The following DCC variants were observed in gnomAD, a reference collection of about 807,000 sequenced individuals.
DCC encodes the protein netrin receptor DCC.
A neutral mutation model predicts 172.5 loss-of-function variants in DCC; 58 were observed. The ratio of observed to expected loss-of-function variants is 0.34; its 90% confidence interval spans 0.27 to 0.42. The LOEUF is 0.42. Among genes scored for constraint, DCC ranks in the 10% least tolerant of loss-of-function variants. The pLI, the probability that DCC is intolerant of heterozygous loss-of-function variation, is 1.00. For synonymous variants in DCC, 709 were observed against 644.5 expected (o/e 1.10, Z -1.52); for missense variants, 1,740 against 1,791.0 (o/e 0.97, Z 0.51).
rs565624268 is a variant in DCC, at chr18:52,793,967, G to C, written c.412+41593G>C. Among the ~76,000 whole-genome samples, 24 of 148,192 alleles carry C rather than the reference G, an allele frequency of 1.6e-4. No individual in the cohort carries two copies. In the South Asian group the frequency reaches 2.1e-3, roughly 13 times the overall value. ...CTGTAAATAGGAGGATTAATTTCTC[G>C]GTTTTCTATTAATCTATATTTCTGG... is the stretch of plus-strand genomic sequence containing the variant. On this transcript the variant is annotated intron_variant, in intron 2 of 28. Transcript: ENST00000442544.
At chr18:53,108,144 C>T (rs772228368) in intron 7 of DCC, among the ~76,000 whole-genome samples, 2 of 148,606 alleles carry the variant, frequency 1.3e-5, no homozygotes, top group African/African-American at 2.5e-5. Flanking sequence ...AAACATAAGA[C>T]TTATATGGAA....
At chr18:53,028,952 G>C (rs1396036580) in intron 5 of DCC, among the ~76,000 whole-genome samples, 2 of 152,026 alleles carry the variant, frequency 1.3e-5, no homozygotes, top group Non-Finnish European at 2.9e-5. Context: ...TTTTCCATTT[G>C]AGCTATAGTT....
intron 2 of DCC, among the ~76,000 whole-genome samples, chr18:52,822,217 C>A (rs2038419789): frequency 6.6e-6 from 1 of 151,940 alleles, no homozygotes. Context: ...AAACTATGAG[C>A]AAAAAAGTGT....
intron 8 of DCC, among the ~76,000 whole-genome samples, chr18:53,170,855 A>G (rs1201875768): frequency 6.6e-6 from 1 of 152,100 alleles, no homozygotes; most frequent in Non-Finnish European, 1.5e-5. Context: ...CACAGTCTAC[A>G]TAGGCTTTTG....
At chr18:52,852,806 C>T (rs193119952) in intron 2 of DCC, among the ~76,000 whole-genome samples, 31 of 152,152 alleles carry the variant, frequency 2.0e-4, no homozygotes, top group African/African-American at 7.2e-4. Flanking sequence ...TGATAGTTGC[C>T]ATTGTTGAAA....
At chr18:52,897,209 T>C (rs1056715749) in intron 2 of DCC, among the ~76,000 whole-genome samples, 1 of 152,158 alleles carries the variant, frequency 6.6e-6, no homozygotes, top group Non-Finnish European at 1.5e-5. Context: ...GTACCAACAC[T>C]ACAGAGGATG....
chr18:52,668,335 A>C (rs1293172880), intron 1 of DCC, among the ~76,000 whole-genome samples: 1 of 152,226 alleles, frequency 6.6e-6, no homozygotes, highest in Non-Finnish European at 1.5e-5. Flanking sequence ...TAAGCTAATA[A>C]GATTTTAGAT....
intron 5 of DCC, among the ~76,000 whole-genome samples, chr18:53,062,149 TAAAG>T (rs751008203): frequency 6.6e-5 from 10 of 152,132 alleles, no homozygotes; most frequent in Middle Eastern, 6.8e-3. Context: ...AGGGAAATAA[TAAAG>T]AAAGAGAGAG....
chr18:53,292,387 T>C lies in DCC; in HGVS notation c.1912-13191T>C, dbSNP rs2144752273. On this transcript the variant is annotated intron_variant, in intron 12 of 28. Coordinates refer to ENST00000442544, the MANE Select transcript of DCC (RefSeq NM_005215.4). The stretch of plus-strand genomic sequence containing the variant: ...CATCTGAATATGGGAAAATTTACTA[T>C]TTAAAAAAAACCACCTCAGCCAGGC... 2.0e-5 allele frequency among the ~76,000 whole-genome samples: 3 copies of C among 152,158 alleles called. 1 individual carries two copies. The Middle Eastern group carries it at 0.01, about 518-fold the overall frequency.
At chr18:52,487,752 A>C (rs2030296365) in intron 1 of DCC, among the ~76,000 whole-genome samples, 1 of 144,922 alleles carries the variant, frequency 6.9e-6, no homozygotes, top group African/African-American at 2.5e-5. Context: ...CGGAGGTTGC[A>C]ATGAGTTTAG....
intron 1 of DCC, among the ~76,000 whole-genome samples, chr18:52,529,512 G>A (rs1482625438): frequency 1.3e-5 from 2 of 152,226 alleles, no homozygotes; most frequent in African/African-American, 4.8e-5. Context: ...GGATGGTCTC[G>A]ATCTCCTGAC....
chr18:53,295,794 T>A (rs1320693439), intron 12 of DCC, among the ~76,000 whole-genome samples: 1 of 152,210 alleles, frequency 6.6e-6, no homozygotes, highest in Non-Finnish European at 1.5e-5. Context: ...TCCATGTAAA[T>A]GCATTATTAT....
chr18:52,450,694 A>G (rs1988275805), intron 1 of DCC, among the ~76,000 whole-genome samples: 1 of 152,148 alleles, frequency 6.6e-6, no homozygotes, highest in Non-Finnish European at 1.5e-5. Flanking sequence ...TTGTTCACCA[A>G]TATGTCTCCT....
At chr18:52,540,848 C>T (rs1041677742) in intron 1 of DCC, among the ~76,000 whole-genome samples, 6 of 152,048 alleles carry the variant, frequency 3.9e-5, no homozygotes, top group Middle Eastern at 3.4e-3. Flanking sequence ...CTTCGTGATC[C>T]GCCCGCCTCG....
chr18:52,908,575 A>T (rs573273346), intron 3 of DCC, among the ~76,000 whole-genome samples: 1 of 151,838 alleles, frequency 6.6e-6, no homozygotes, highest in South Asian at 2.1e-4. Flanking sequence ...TAAGGAATCA[A>T]GTTGAACTAA....
chr18:52,487,774 G>T (rs937123142), intron 1 of DCC, among the ~76,000 whole-genome samples: 1 of 124,950 alleles, frequency 8.0e-6, no homozygotes, highest in Admixed American at 1.1e-4. Context: ...TTGTGCCGCT[G>T]CACTCCAGTC....
At chr18:52,454,249 A>G (rs947755755) in intron 1 of DCC, among the ~76,000 whole-genome samples, 1 of 152,186 alleles carries the variant, frequency 6.6e-6, no homozygotes, top group Non-Finnish European at 1.5e-5. Flanking sequence ...CAAGATCATT[A>G]TGTTTCTGAT....
At chr18:52,825,443 CAT>C (rs1470131615) in intron 2 of DCC, among the ~76,000 whole-genome samples, 11 of 152,276 alleles carry the variant, frequency 7.2e-5, no homozygotes, top group Admixed American at 5.9e-4. Context: ...CTGCACCTAA[CAT>C]GTGGAAATTG....
chr18:53,136,220 T>TACAC (rs752342385), intron 7 of DCC, among the ~76,000 whole-genome samples: 8 of 150,906 alleles, frequency 5.3e-5, no homozygotes, highest in Admixed American at 3.3e-4. Context: ...TATATATATA[T>TACAC]ACACACACAC....
Sources: gnomAD v4.1 joint callset for allele counts (sites outside exome capture counted in the v4.1 genomes callset) on GRCh38, gnomAD v4.1.1 for gene constraint, MANE v1.5 for transcripts, NCBI Gene and HGNC (gene_info 2026-07-23, HGNC 2026-07-21) for gene names.